Variants in SLA observed in about 807,000 individuals in gnomAD.
The protein encoded by SLA is Src like adaptor.
A neutral mutation model predicts 30.3 loss-of-function variants in SLA; 16 were observed. That is an observed-to-expected ratio of 0.53 (90% CI 0.36 to 0.80). The LOEUF is 0.80. SLA is among the 30% of genes least tolerant of loss of function. The pLI is 0.01. For synonymous variants in SLA, 143 were observed against 137.8 expected, an observed-to-expected ratio of 1.04 and a Z score of -0.26; for missense variants, 310 against 345.2, an observed-to-expected ratio of 0.90 and a Z score of 0.81.
intron 1 of SLA, among the ~76,000 whole-genome samples, chr8:133,086,971 A>G (rs1846660072): frequency 3.3e-5 from 5 of 152,172 alleles, no homozygotes; most frequent in Admixed American, 1.3e-4. Flanking sequence ...AATCTTGTAA[A>G]TAAATAAGTA....
chr8:133,088,591 G>T (rs1564174799), intron 1 of SLA, among the ~76,000 whole-genome samples: 1 of 152,192 alleles, frequency 6.6e-6, no homozygotes, highest in Non-Finnish European at 1.5e-5. Context: ...GTGGCCCTTA[G>T]AAGGTGCCTT....
chr8:133,041,754 C>T (rs965261514), intron 7 of SLA, among the ~76,000 whole-genome samples: 3 of 148,464 alleles, frequency 2.0e-5, no homozygotes, highest in Non-Finnish European at 4.5e-5. Context: ...TACCCTGGAT[C>T]TCATTGAGGC....
intron 1 of SLA, among the ~76,000 whole-genome samples, chr8:133,097,657 G>A (rs1848625730): frequency 6.6e-6 from 1 of 152,140 alleles, no homozygotes; most frequent in South Asian, 2.1e-4. Flanking sequence ...ATGTTTTTCT[G>A]CATAGAAGGA....
chr8:133,075,410 G>A (rs1844712841), intron 1 of SLA, among the ~76,000 whole-genome samples: 1 of 152,126 alleles, frequency 6.6e-6, no homozygotes, highest in Non-Finnish European at 1.5e-5. Context: ...GATTAAAGGA[G>A]ACTAAAGAGA....
chr8:133,100,469 C>T (rs1849072465), intron 1 of SLA, among the ~76,000 whole-genome samples: 1 of 152,202 alleles, frequency 6.6e-6, no homozygotes, highest in African/African-American at 2.4e-5. Context: ...AGCAGGCACA[C>T]AATAGACATT....
intron 5 of SLA, chr8:133,048,841 T>C (rs542449146): frequency 3.0e-4 from 58 of 191,000 alleles, no homozygotes; most frequent in African/African-American, 1.3e-3. Flanking sequence ...ATTAAGATCA[T>C]GAATACTAAA....
chr8:133,047,632 C>T (rs557957559), intron 6 of SLA, 198 bp downstream of exon 6: 2 of 594,068 alleles, frequency 3.4e-6, no homozygotes, highest in Admixed American at 2.7e-5. Flanking sequence ...GCCCAGCCGG[C>T]TCCCCACTGC....
At chr8:133,092,506 G>A (rs1017146706) in intron 1 of SLA, among the ~76,000 whole-genome samples, 1 of 152,184 alleles carries the variant, frequency 6.6e-6, no homozygotes, top group African/African-American at 2.4e-5. Context: ...GTGGGGTCCC[G>A]TGAATGTCAC....
rs143016924 is a variant in SLA, at chr8:133,095,734, A to G, written c.-319+6819T>C. 1.3e-4 allele frequency among the ~76,000 whole-genome samples: 20 copies of G among 152,348 alleles called. No individual in the cohort carries two copies. In the South Asian group the frequency reaches 1.5e-3, roughly 11 times the overall value. On this transcript the variant is annotated intron_variant, in intron 1 of 8. Transcript: ENST00000338087. ...CCTTCACATTAATGAAGGGGACATT[A>G]GCAGGAATAATTGTCATGGCAATTG...
chr8:133,080,204 C>T (rs1845536533), intron 1 of SLA, among the ~76,000 whole-genome samples: 1 of 151,976 alleles, frequency 6.6e-6, no homozygotes, highest in Non-Finnish European at 1.5e-5. Flanking sequence ...AAGTTTGGGG[C>T]TGGAAATACT....
At chr8:133,073,467 A>T (rs566495684) in intron 2 of SLA, among the ~76,000 whole-genome samples, 4 of 152,214 alleles carry the variant, frequency 2.6e-5, no homozygotes, top group African/African-American at 9.6e-5. Context: ...GGTTCAAGCG[A>T]TTATCCTGTC....
chr8:133,085,961 A>G (rs1846480762), intron 1 of SLA, among the ~76,000 whole-genome samples: 1 of 152,252 alleles, frequency 6.6e-6, no homozygotes, highest in Non-Finnish European at 1.5e-5. Context: ...CAAAAAGTAG[A>G]AACAACCCAA....
chr8:133,044,462 G>A (rs1838919813), intron 7 of SLA, among the ~76,000 whole-genome samples: 1 of 152,144 alleles, frequency 6.6e-6, no homozygotes, highest in African/African-American at 2.4e-5. Context: ...ATACAGCCTA[G>A]CACACAATTA....
At chr8:133,091,715 TGTGA>T (rs1018370706) in intron 1 of SLA, among the ~76,000 whole-genome samples, 4 of 152,098 alleles carry the variant, frequency 2.6e-5, no homozygotes, top group African/African-American at 9.7e-5. Context: ...TCTGCACTTA[TGTGA>T]GTGTGTGTCT....
chr8:133,046,976 AACTTGAAGAT>A (rs1839540379), intron 6 of SLA: 1 of 152,168 alleles, frequency 6.6e-6, no homozygotes, highest in African/African-American at 2.4e-5. Context: ...GCAAGCCAAG[AACTTGAAGAT>A]ACCTTCTGAA....
intron 3 of SLA, among the ~76,000 whole-genome samples, chr8:133,054,370 C>G (rs1840961575): frequency 6.6e-6 from 1 of 152,166 alleles, no homozygotes; most frequent in Non-Finnish European, 1.5e-5. Context: ...GGCTTTGAAA[C>G]CAATCAGAAC....
chr8:133,050,699 T>C, intron 4 of SLA, 117 bp downstream of exon 4: 1 of 706,440 alleles, frequency 1.4e-6, no homozygotes, highest in Non-Finnish European at 2.5e-6. Context: ...TCTCACCTCA[T>C]AATAGGACCA....
intron 1 of SLA, chr8:133,096,101 T>C: frequency 1.4e-6 from 2 of 1,415,088 alleles, no homozygotes; most frequent in Non-Finnish European, 2.0e-6. Context: ...AGTAGAGTCA[T>C]AGATGGATAA....
At chr8:133,056,309 ATG>A (rs1420914105) in intron 3 of SLA, among the ~76,000 whole-genome samples, 1 of 152,168 alleles carries the variant, frequency 6.6e-6, no homozygotes, top group Non-Finnish European at 1.5e-5. Context: ...AGACCATCTC[ATG>A]TACCAGCAGC....
Sources: gnomAD v4.1 joint callset for allele counts (sites outside exome capture counted in the v4.1 genomes callset) on GRCh38, gnomAD v4.1.1 for gene constraint, MANE v1.5 for transcripts, NCBI Gene and HGNC (gene_info 2026-07-23, HGNC 2026-07-21) for gene names.